GRIP1: variants seen among roughly 807,000 people sequenced by gnomAD.
GRIP1 encodes the protein glutamate receptor interacting protein 1.
Under a neutral mutation model 129.9 loss-of-function variants are expected in GRIP1, and 45 were observed. The observed-to-expected ratio is 0.35, with a 90% CI of 0.27 to 0.44. The LOEUF (loss-of-function observed/expected upper bound fraction) is 0.44, where lower values mean the gene tolerates loss of function less well. Among genes scored for constraint, GRIP1 ranks in the 20% least tolerant of loss-of-function variants. The probability of loss-of-function intolerance (pLI) is 1.00; values close to 1 mark genes in which losing one functional copy is unlikely to be tolerated. For synonymous variants in GRIP1, 530 were observed against 520.8 expected, an observed-to-expected ratio of 1.02 and a Z score of -0.24; for missense variants, 1,196 against 1,396.8, an observed-to-expected ratio of 0.86 and a Z score of 2.29.
At position 66,516,916 on chromosome 12, in the gene GRIP1, C is replaced by G. The variant is rs2060861227; in HGVS notation, c.578+985G>C. Among the ~76,000 whole-genome samples, 6 of 152,332 alleles carry G rather than the reference C, an allele frequency of 3.9e-5. No homozygotes were observed. The South Asian group carries it at 1.2e-3, about 32-fold the overall frequency. ...CTCCCGCAGTTCTTTGACTTACTCACTGCCATACTGGCAGTTCTGTCATCT... is the reference window on the plus strand; with the variant it reads ...CTCCCGCAGTTCTTTGACTTACTCAGTGCCATACTGGCAGTTCTGTCATCT... On this transcript the variant is annotated intron_variant, in intron 6 of 24. Transcript: ENST00000359742.
At position 66,979,238 on chromosome 12, in the gene GRIP1, A is replaced by ACAAC. The variant is rs1310429490; in HGVS notation, c.58+89811_58+89812insGTTG. ...TTCTCTTCTTAAAAAAAAAAAAAAA[A>ACAAC]AAAAAAAAAAAAAAAACAAGCCCGT... On this transcript the variant is annotated intron_variant, in intron 1 of 1. Transcript: ENST00000643019. 2.6e-3 allele frequency among the ~76,000 whole-genome samples: 257 copies of ACAAC among 97,372 alleles called. 3 individuals are homozygous for ACAAC. Among genetic ancestry groups the ACAAC allele is most frequent in the African/African-American group, 7.6e-3 (250 of 32,908 alleles). 63.9% of individuals were successfully genotyped at this position (97,372 alleles called of 152,430 possible).
chr12:66,569,169 T>C (rs1029981716), intron 2 of GRIP1: 4 of 235,254 alleles, frequency 1.7e-5, no homozygotes, highest in African/African-American at 7.1e-5. Flanking sequence ...CTTTAATTGT[T>C]CTATCAAGAT....
At chr12:66,724,683 T>C (rs944499549) in intron 1 of GRIP1, among the ~76,000 whole-genome samples, 6 of 152,178 alleles carry the variant, frequency 3.9e-5, no homozygotes, top group Admixed American at 1.3e-4. Context: ...TTACTCCATG[T>C]TTCTGTGTCC....
At chr12:66,773,492 G>A (rs2037884442) in intron 1 of GRIP1, among the ~76,000 whole-genome samples, 1 of 152,122 alleles carries the variant, frequency 6.6e-6, no homozygotes, top group African/African-American at 2.4e-5. Flanking sequence ...TTGCTCATAA[G>A]TGGGAGTTGA....
At chr12:66,621,864 T>C (rs2065282479) in intron 1 of GRIP1, among the ~76,000 whole-genome samples, 1 of 152,208 alleles carries the variant, frequency 6.6e-6, no homozygotes, top group Non-Finnish European at 1.5e-5. Context: ...GTATCTTTTC[T>C]TGTGCTTATG....
chr12:66,522,274 A>C (rs1171423630), intron 5 of GRIP1, among the ~76,000 whole-genome samples: 1 of 152,212 alleles, frequency 6.6e-6, no homozygotes, highest in Non-Finnish European at 1.5e-5. Context: ...CTGACACCTC[A>C]CACGGCCGGG....
chr12:66,801,453 C>A lies in GRIP1; in HGVS notation c.-420+2600G>T, dbSNP rs189931817. On this transcript the variant is annotated intron_variant, in intron 1 of 4. Transcript: ENST00000538373. ...AAGTCATCTATTATTAAAATAACTT[C>A]TTTTCCATAGCATTTCACCCTATGG... 6.4e-4 allele frequency among the ~76,000 whole-genome samples: 98 copies of A among 152,122 alleles called. 1 individual carries two copies. The highest frequency in any genetic ancestry group is 2.2e-3 in the African/African-American group (91 of 41,520).
chr12:66,684,787 G>A (rs2034717148), intron 1 of GRIP1, among the ~76,000 whole-genome samples: 1 of 152,200 alleles, frequency 6.6e-6, no homozygotes, highest in African/African-American at 2.4e-5. Context: ...GGAGGTTGCA[G>A]TGAGCAGAGA....
chr12:66,867,126 T>C (rs1476923700), intron 1 of GRIP1, among the ~76,000 whole-genome samples: 1 of 152,180 alleles, frequency 6.6e-6, no homozygotes, highest in Non-Finnish European at 1.5e-5. Flanking sequence ...GTAGCTGAGA[T>C]TGCAGGCGCA....
At chr12:66,419,042 T>C (rs1027988176) in intron 15 of GRIP1, among the ~76,000 whole-genome samples, 4 of 152,128 alleles carry the variant, frequency 2.6e-5, no homozygotes, top group African/African-American at 9.7e-5. Context: ...GCAAGCAACA[T>C]AAGTGTCCAC....
At chr12:66,372,509 A>C (rs2055566145) in intron 22 of GRIP1, among the ~76,000 whole-genome samples, 1 of 152,216 alleles carries the variant, frequency 6.6e-6, no homozygotes, top group Admixed American at 6.5e-5. Flanking sequence ...AGACCAGCTA[A>C]GTCTCCATAT....
intron 1 of GRIP1, among the ~76,000 whole-genome samples, chr12:66,831,635 G>A (rs951114269): frequency 6.6e-6 from 1 of 152,148 alleles, no homozygotes; most frequent in African/African-American, 2.4e-5. Context: ...AAATAACTTT[G>A]CTGTGGTCAC....
chr12:67,053,873 A>G (rs1475898830), intron 1 of GRIP1, among the ~76,000 whole-genome samples: 2 of 152,052 alleles, frequency 1.3e-5, no homozygotes, highest in African/African-American at 2.4e-5. Flanking sequence ...AAAATTAAAC[A>G]ATTAAAACAT....
chr12:66,643,215 T>C (rs550500309), intron 1 of GRIP1, among the ~76,000 whole-genome samples: 2 of 152,324 alleles, frequency 1.3e-5, no homozygotes, highest in South Asian at 4.1e-4. Flanking sequence ...ACCAAAACTT[T>C]TAAAATGTGC....
At chr12:66,747,074 A>G (rs2036972597) in intron 1 of GRIP1, among the ~76,000 whole-genome samples, 2 of 152,230 alleles carry the variant, frequency 1.3e-5, no homozygotes, top group Non-Finnish European at 2.9e-5. Context: ...GCATAAATAG[A>G]TAAGGACAGT....
chr12:66,669,951 TTG>T (rs1471057734), intron 1 of GRIP1, among the ~76,000 whole-genome samples: 1 of 152,222 alleles, frequency 6.6e-6, no homozygotes, highest in Non-Finnish European at 1.5e-5. Context: ...TTTTAAATGA[TTG>T]TGTTTACAAG....
At chr12:66,561,113 T>C (rs1453710751) in intron 2 of GRIP1, among the ~76,000 whole-genome samples, 2 of 152,110 alleles carry the variant, frequency 1.3e-5, no homozygotes, top group African/African-American at 2.4e-5. Context: ...TGTCACTTAA[T>C]TGTGGGAGCT....
chr12:66,573,636 A>T (rs2063039826), intron 2 of GRIP1, among the ~76,000 whole-genome samples: 1 of 152,146 alleles, frequency 6.6e-6, no homozygotes, highest in African/African-American at 2.4e-5. Flanking sequence ...TCCTAACCAG[A>T]TAGGTGTGCT....
At chr12:66,527,504 T>C (rs906722278) in intron 5 of GRIP1, among the ~76,000 whole-genome samples, 10 of 151,508 alleles carry the variant, frequency 6.6e-5, no homozygotes, top group African/African-American at 2.4e-4. Context: ...AAGGGGAACA[T>C]CACACTCCGG....
Sources: gnomAD v4.1 joint callset for allele counts (sites outside exome capture counted in the v4.1 genomes callset) on GRCh38, gnomAD v4.1.1 for gene constraint, MANE v1.5 for transcripts, NCBI Gene and HGNC (gene_info 2026-07-23, HGNC 2026-07-21) for gene names.